The following RFX3 variants were observed in gnomAD, a reference collection of about 807,000 sequenced individuals.
The protein encoded by RFX3 is regulatory factor X3, also known as transcription factor RFX3.
In RFX3, 14 loss-of-function variants were observed where a neutral mutation model predicts 98.6. That is an observed-to-expected ratio of 0.14 (90% CI 0.09 to 0.22). RFX3 has a LOEUF of 0.22. Among genes scored for constraint, RFX3 ranks in the 10% least tolerant of loss-of-function variants. RFX3 has a pLI of 1.00. For missense variants in RFX3, 639 were observed against 926.9 expected (o/e 0.69, Z 4.03); for synonymous variants, 383 against 328.4 (o/e 1.17, Z -1.80).
intron 6 of RFX3, among the ~76,000 whole-genome samples, chr9:3,291,314 G>T (rs894980549): frequency 6.6e-6 from 1 of 152,198 alleles, no homozygotes; most frequent in African/African-American, 2.4e-5. Flanking sequence ...AGAGGTTGCA[G>T]TGAGCTGAGA....
At chr9:3,247,497 C>T (rs1270423984) in intron 15 of RFX3, 44 of 736,754 alleles carry the variant, frequency 6.0e-5, no homozygotes, top group Non-Finnish European at 7.0e-5. Flanking sequence ...TAGAACGTAT[C>T]TCAAAGACTT....
At chr9:3,486,200 T>G (rs534319564) in intron 1 of RFX3, among the ~76,000 whole-genome samples, 1 of 151,762 alleles carries the variant, frequency 6.6e-6, no homozygotes, top group South Asian at 2.1e-4. Flanking sequence ...ATTCTGGTCT[T>G]AAAAGATTTT....
At chr9:3,243,314 C>A (rs1820204169) in intron 15 of RFX3, among the ~76,000 whole-genome samples, 1 of 116,076 alleles carries the variant, frequency 8.6e-6, no homozygotes. Context: ...AAATTGTTTC[C>A]TTTTTATCAT....
intron 1 of RFX3, among the ~76,000 whole-genome samples, chr9:3,413,227 T>C (rs1587574018): frequency 6.6e-6 from 1 of 151,980 alleles, no homozygotes; most frequent in East Asian, 1.9e-4. Flanking sequence ...AAGAAAATAT[T>C]AAAATACTTG....
chr9:3,315,151 G>T (rs1445123653), intron 4 of RFX3, among the ~76,000 whole-genome samples: 1 of 151,884 alleles, frequency 6.6e-6, no homozygotes, highest in Non-Finnish European at 1.5e-5. Context: ...AAATGTAAAA[G>T]AACAGAAATT....
intron 4 of RFX3, among the ~76,000 whole-genome samples, chr9:3,329,043 G>C (rs1832268272): frequency 6.6e-6 from 1 of 152,118 alleles, no homozygotes; most frequent in Non-Finnish European, 1.5e-5. Flanking sequence ...AGGCTACAAA[G>C]TTTGATGATA....
At chr9:3,368,524 G>C (rs961363658) in intron 2 of RFX3, among the ~76,000 whole-genome samples, 1 of 152,132 alleles carries the variant, frequency 6.6e-6, no homozygotes. Flanking sequence ...AAAGGGCATT[G>C]AAATAATTTA....
chr9:3,289,175 C>G (rs1827016061), intron 6 of RFX3, among the ~76,000 whole-genome samples: 1 of 151,784 alleles, frequency 6.6e-6, no homozygotes. Context: ...CTTCCATTTA[C>G]AAAAAGAAAT....
chr9:3,490,229 T>C, intron 1 of RFX3: 3 of 601,196 alleles, frequency 5.0e-6, no homozygotes, highest in Non-Finnish European at 6.2e-6. Context: ...AAATACTCTG[T>C]ATTATGTACA....
intron 1 of RFX3, among the ~76,000 whole-genome samples, chr9:3,501,907 G>A (rs1816054914): frequency 6.6e-6 from 1 of 151,824 alleles, no homozygotes; most frequent in Non-Finnish European, 1.5e-5. Flanking sequence ...ATACTGATTA[G>A]AACTGACTAT....
At chr9:3,507,711 T>C (rs921475268) in intron 1 of RFX3, among the ~76,000 whole-genome samples, 2 of 152,006 alleles carry the variant, frequency 1.3e-5, no homozygotes, top group Non-Finnish European at 2.9e-5. Context: ...GTGTATACTT[T>C]AAATCATCTC....
intron 4 of RFX3, among the ~76,000 whole-genome samples, chr9:3,310,964 G>GT (rs1373950210): frequency 6.6e-6 from 1 of 151,894 alleles, no homozygotes; most frequent in Admixed American, 6.6e-5. Flanking sequence ...ATCGATAAAC[G>GT]TTACTCAAAA....
intron 8 of RFX3, among the ~76,000 whole-genome samples, chr9:3,276,417 A>G (rs1299789563): frequency 6.6e-6 from 1 of 152,150 alleles, no homozygotes; most frequent in Non-Finnish European, 1.5e-5. Flanking sequence ...CCAGGTACAA[A>G]TATGGAAACT....
At chr9:3,328,819 A>G (rs1832236847) in intron 4 of RFX3, among the ~76,000 whole-genome samples, 2 of 152,226 alleles carry the variant, frequency 1.3e-5, no homozygotes, top group African/African-American at 4.8e-5. Context: ...AAAGCTTCTC[A>G]TATTACTATT....
chr9:3,370,823 T>A (rs1375995642), intron 2 of RFX3, among the ~76,000 whole-genome samples: 1 of 152,162 alleles, frequency 6.6e-6, no homozygotes, highest in Non-Finnish European at 1.5e-5. Flanking sequence ...TCCAGATAAG[T>A]AATTCAAATT....
chr9:3,437,097 C>T (rs1342231836), intron 1 of RFX3, among the ~76,000 whole-genome samples: 1 of 151,992 alleles, frequency 6.6e-6, no homozygotes, highest in African/African-American at 2.4e-5. Flanking sequence ...AACATTCTTG[C>T]TGTAGATATT....
At chr9:3,445,463 G>C (rs10972079) in intron 1 of RFX3, among the ~76,000 whole-genome samples, 19,074 of 152,008 alleles carry the variant, frequency 0.13, 1,840 homozygotes, top group African/African-American at 0.27. Flanking sequence ...GTGAAGTTAA[G>C]GGGATCTGCA....
chr9:3,442,094 G>C (rs1219733671), intron 1 of RFX3, among the ~76,000 whole-genome samples: 2 of 152,076 alleles, frequency 1.3e-5, no homozygotes, highest in African/African-American at 4.8e-5. Flanking sequence ...CAGCTACTTG[G>C]GAGGCTGAGG....
At chr9:3,374,803 T>C (rs1339487784) in intron 2 of RFX3, among the ~76,000 whole-genome samples, 2 of 151,984 alleles carry the variant, frequency 1.3e-5, no homozygotes, top group Non-Finnish European at 2.9e-5. Flanking sequence ...CACACTGAAC[T>C]GTACACTTAA....
Sources: allele counts gnomAD v4.1 joint callset (sites outside exome capture counted in the v4.1 genomes callset), GRCh38; gene constraint gnomAD v4.1.1; transcripts MANE v1.5; gene names NCBI Gene and HGNC (gene_info 2026-07-23, HGNC 2026-07-21).